Variants in HIVEP3 observed in about 807,000 individuals in gnomAD.
HIVEP3 encodes the protein transcription factor HIVEP3.
A neutral mutation model predicts 152.8 loss-of-function variants in HIVEP3; 49 were observed. That is an observed-to-expected ratio of 0.32 (90% CI 0.26 to 0.41). The LOEUF (loss-of-function observed/expected upper bound fraction) is 0.41, where lower values mean the gene tolerates loss of function less well. Among genes scored for constraint, HIVEP3 ranks in the 10% least tolerant of loss-of-function variants. The pLI, the probability that HIVEP3 is intolerant of heterozygous loss-of-function variation, is 1.00. For missense variants in HIVEP3, 2,790 were observed against 3,103.3 expected (o/e 0.90, Z 2.40); for synonymous variants, 1,269 against 1,289.0 (o/e 0.98, Z 0.33).
chr1:41,696,152 A>T (rs1646270715), intron 2 of HIVEP3, among the ~76,000 whole-genome samples: 1 of 152,222 alleles, frequency 6.6e-6, no homozygotes, highest in Admixed American at 6.5e-5. Flanking sequence ...AGACTCCTGA[A>T]GACCAGTCCA....
intron 1 of HIVEP3, among the ~76,000 whole-genome samples, chr1:41,936,916 C>T (rs565905661): frequency 5.5e-4 from 83 of 152,216 alleles, no homozygotes; most frequent in African/African-American, 2.0e-3. Context: ...TTTGGTCACC[C>T]CAGTATTAGA....
intron 1 of HIVEP3, among the ~76,000 whole-genome samples, chr1:41,836,679 A>G (rs1371558698): frequency 1.3e-5 from 2 of 152,210 alleles, no homozygotes; most frequent in Non-Finnish European, 2.9e-5. Context: ...CTTGAAGGAA[A>G]TTCACAAGAA....
At chr1:41,683,848 C>T (rs1196961636) in intron 2 of HIVEP3, among the ~76,000 whole-genome samples, 1 of 152,180 alleles carries the variant, frequency 6.6e-6, no homozygotes, top group Non-Finnish European at 1.5e-5. Flanking sequence ...CATCTCTATA[C>T]CAGCACTTCG....
chr1:41,941,226 G>A (rs76868990), intron 1 of HIVEP3, among the ~76,000 whole-genome samples: 1 of 152,162 alleles, frequency 6.6e-6, no homozygotes, highest in Non-Finnish European at 1.5e-5. Context: ...GGTAGAGTAG[G>A]GCAAGCAGTC....
intron 1 of HIVEP3, among the ~76,000 whole-genome samples, chr1:41,996,468 A>G (rs1645396666): frequency 6.6e-6 from 1 of 151,668 alleles, no homozygotes; most frequent in African/African-American, 2.4e-5. Context: ...AGTCCCATAG[A>G]GATAACTGAT....
Position 41,510,559 on chromosome 1 carries a change from G to A in HIVEP3, c.7113C>T (p.Asn2371=). The A allele has an allele frequency of 1.3e-6, 2 of 1,570,032 alleles. No individual in the cohort carries two copies. Among genetic ancestry groups the A allele is most frequent in the Non-Finnish European group, 1.7e-6 (2 of 1,157,582 alleles). ...ASARFPARTR[N]LSGEPRTRQD... ...GCCTGGTCCTGGGTTCCCCGGAGAG[G>A]TTCCTCGTCCGGGCTGGGAAGCGGG... The change falls in exon 9 of 9, where the codon AAC becomes AAT. Residue 2371 remains asparagine (N), a synonymous_variant. Coordinates refer to ENST00000372583, the MANE Select transcript of HIVEP3 (RefSeq NM_024503.5).
intron 1 of HIVEP3, among the ~76,000 whole-genome samples, chr1:41,881,797 A>C (rs1220295551): frequency 6.6e-6 from 1 of 152,348 alleles, no homozygotes; most frequent in South Asian, 2.1e-4. Flanking sequence ...GTGTTTTATT[A>C]TTTGCCTTTT....
intron 2 of HIVEP3, among the ~76,000 whole-genome samples, chr1:41,698,823 T>C (rs1646316926): frequency 6.6e-6 from 1 of 152,154 alleles, no homozygotes; most frequent in Non-Finnish European, 1.5e-5. Context: ...CTTCTCTTGT[T>C]TCTGCCCTGG....
At chr1:41,527,112 AC>A (rs1327079795) in intron 5 of HIVEP3, among the ~76,000 whole-genome samples, 1 of 118,528 alleles carries the variant, frequency 8.4e-6, no homozygotes, top group Admixed American at 8.7e-5. Flanking sequence ...TCACCCTCAC[AC>A]ACCCTCTTCC....
At chr1:41,521,618 G>A (rs1420087914) in intron 6 of HIVEP3, among the ~76,000 whole-genome samples, 1 of 152,230 alleles carries the variant, frequency 6.6e-6, no homozygotes, top group East Asian at 1.9e-4. Context: ...CAGCTTGTCA[G>A]GCAGAGCCAC....
At position 41,845,685 on chromosome 1, in the gene HIVEP3, C is replaced by T. The variant is rs1016744291; in HGVS notation, c.-801+72728G>A. ...TGTCCCAGGGAACTAGATGGCTGGG[C>T]ATGTAAACTTTTCACTCTATATGCT... On this transcript the variant is annotated intron_variant, in intron 1 of 8. Transcript: ENST00000372583. Among the ~76,000 whole-genome samples the T allele has an allele frequency of 2.6e-5, 4 of 152,118 alleles. No homozygotes were observed. The East Asian group carries it at 7.7e-4, about 29-fold the overall frequency.
intron 1 of HIVEP3, among the ~76,000 whole-genome samples, chr1:41,877,229 C>G (rs1052769745): frequency 1.3e-5 from 2 of 152,186 alleles, no homozygotes; most frequent in African/African-American, 2.4e-5. Context: ...AACAGAGGAA[C>G]AGACCCCTCA....
intron 1 of HIVEP3, among the ~76,000 whole-genome samples, chr1:41,760,529 A>T (rs1326457242): frequency 6.6e-6 from 1 of 151,800 alleles, no homozygotes; most frequent in African/African-American, 2.4e-5. Flanking sequence ...TTGAGTGTAG[A>T]CTCTGGCTTG....
intron 1 of HIVEP3, among the ~76,000 whole-genome samples, chr1:41,743,546 A>G (rs1647027819): frequency 6.6e-6 from 1 of 152,178 alleles, no homozygotes; most frequent in South Asian, 2.1e-4. Context: ...AAACCACAGG[A>G]TAAGGAGATG....
chr1:41,544,709 C>CACT (rs754888921), intron 5 of HIVEP3, among the ~76,000 whole-genome samples: 97 of 147,666 alleles, frequency 6.6e-4, no homozygotes, highest in Non-Finnish European at 9.2e-4. Flanking sequence ...TCACCACCAC[C>CACT]ACTACCACCT....
chr1:41,772,601 A>G (rs1333731554), intron 1 of HIVEP3, among the ~76,000 whole-genome samples: 1 of 152,154 alleles, frequency 6.6e-6, no homozygotes, highest in African/African-American at 2.4e-5. Context: ...ATCAGTGACA[A>G]CAGAGAACAA....
At chr1:41,614,242 T>C (rs905375000) in intron 3 of HIVEP3, among the ~76,000 whole-genome samples, 8 of 152,238 alleles carry the variant, frequency 5.3e-5, no homozygotes, top group African/African-American at 1.4e-4. Flanking sequence ...AACAGCTGCC[T>C]GAAAATATAA....
chr1:42,034,152 C>T (rs557273975), intron 1 of HIVEP3, among the ~76,000 whole-genome samples: 32 of 152,100 alleles, frequency 2.1e-4, no homozygotes, highest in Non-Finnish European at 4.6e-4. Context: ...AAAACTCACA[C>T]AATATTAGTC....
At chr1:41,928,924 T>C (rs1171938337) in intron 1 of HIVEP3, among the ~76,000 whole-genome samples, 1 of 152,148 alleles carries the variant, frequency 6.6e-6, no homozygotes, top group Non-Finnish European at 1.5e-5. Flanking sequence ...GGCAGGAGGA[T>C]TGCTTGAGCA....
Sources: gnomAD v4.1 joint callset for allele counts (sites outside exome capture counted in the v4.1 genomes callset) on GRCh38, gnomAD v4.1.1 for gene constraint, MANE v1.5 for transcripts, NCBI Gene and HGNC (gene_info 2026-07-23, HGNC 2026-07-21) for gene names.